Variants in XKR6 observed in about 807,000 individuals in gnomAD.
The protein encoded by XKR6 is XK-related protein 6.
A neutral mutation model predicts 56.7 loss-of-function variants in XKR6; 22 were observed. That is an observed-to-expected ratio of 0.39 (90% CI 0.28 to 0.55). XKR6 has a LOEUF of 0.55. Ranked by LOEUF, XKR6 falls within the 20% of genes least tolerant of loss-of-function variation. XKR6 has a pLI of 0.66. For missense variants in XKR6, 852 were observed against 889.0 expected, an observed-to-expected ratio of 0.96 and a Z score of 0.53; for synonymous variants, 524 against 387.8, an observed-to-expected ratio of 1.35 and a Z score of -4.13.
intron 1 of XKR6, among the ~76,000 whole-genome samples, chr8:10,960,928 T>C (rs894041557): frequency 6.6e-6 from 1 of 151,994 alleles, no homozygotes; most frequent in African/African-American, 2.4e-5. Context: ...GAGCCATGAA[T>C]GAAACAGGGA....
In XKR6 at chr8:11,138,113, T is replaced by A. The variant is rs369295329; in HGVS notation, c.764+62463A>T. ...TACCATGGAATCTGACTACATGCTATAAGCACCTGCTCAAACCTGACTTTA... is the reference window on the plus strand; with the variant it reads ...TACCATGGAATCTGACTACATGCTAAAAGCACCTGCTCAAACCTGACTTTA... On this transcript the variant is annotated intron_variant, in intron 1 of 2. Coordinates refer to ENST00000416569, the MANE Select transcript of XKR6 (RefSeq NM_173683.4). 5.0e-4 allele frequency: 88 copies of A among 175,930 alleles called. 1 individual carries two copies. Among genetic ancestry groups the A allele is most frequent in the African/African-American group, 1.8e-3 (77 of 41,760 alleles). 10.9% of individuals were successfully genotyped at this position (175,930 alleles called of 1,614,324 possible).
chr8:11,058,793 T>G (rs1419801092), intron 1 of XKR6, among the ~76,000 whole-genome samples: 2 of 152,160 alleles, frequency 1.3e-5, no homozygotes, highest in African/African-American at 4.8e-5. Flanking sequence ...CCACGGCACA[T>G]GTATACCTAT....
chr8:11,145,266 G>A (rs13280811), intron 1 of XKR6, among the ~76,000 whole-genome samples: 2 of 115,824 alleles, frequency 1.7e-5, no homozygotes, highest in Non-Finnish European at 1.8e-5. Context: ...TCCAAAAAAT[G>A]CAAAATCCAA....
chr8:10,948,765 C>T (rs895277355), intron 1 of XKR6, among the ~76,000 whole-genome samples: 1 of 152,238 alleles, frequency 6.6e-6, no homozygotes, highest in African/African-American at 2.4e-5. Context: ...ATCAAGCCCT[C>T]CTTGTATCCG....
chr8:11,155,476 A>G (rs1195905831), intron 1 of XKR6, among the ~76,000 whole-genome samples: 1 of 152,232 alleles, frequency 6.6e-6, no homozygotes, highest in African/African-American at 2.4e-5. Flanking sequence ...ACAGTTGTGC[A>G]TTATCTTCAG....
intron 1 of XKR6, among the ~76,000 whole-genome samples, chr8:11,193,213 C>G (rs939068513): frequency 6.6e-6 from 1 of 152,078 alleles, no homozygotes; most frequent in African/African-American, 2.4e-5. Flanking sequence ...AAATCAGTGA[C>G]CAAGATAAAA....
intron 1 of XKR6, among the ~76,000 whole-genome samples, chr8:10,987,902 G>A (rs1797899703): frequency 1.3e-5 from 2 of 152,164 alleles, no homozygotes; most frequent in Admixed American, 1.3e-4. Context: ...AGCACCTGCA[G>A]GGCTCACTCT....
intron 1 of XKR6, among the ~76,000 whole-genome samples, chr8:11,026,144 T>A (rs548442061): frequency 6.6e-6 from 1 of 151,824 alleles, no homozygotes; most frequent in South Asian, 2.1e-4. Context: ...TGGTGTCGCC[T>A]ACTACACACC....
intron 1 of XKR6, among the ~76,000 whole-genome samples, chr8:11,095,139 A>G (rs1798226408): frequency 6.6e-6 from 1 of 152,212 alleles, no homozygotes; most frequent in Non-Finnish European, 1.5e-5. Flanking sequence ...AGAAACAGGG[A>G]TGTATTTTCA....
At chr8:10,964,379 T>A (rs951018577) in intron 1 of XKR6, among the ~76,000 whole-genome samples, 3 of 152,184 alleles carry the variant, frequency 2.0e-5, no homozygotes, top group Admixed American at 2.0e-4. Flanking sequence ...GAGCCTTCTT[T>A]GGGCTGGAGC....
At chr8:11,163,851 T>G (rs912616944) in intron 1 of XKR6, among the ~76,000 whole-genome samples, 1 of 152,112 alleles carries the variant, frequency 6.6e-6, no homozygotes, top group Non-Finnish European at 1.5e-5. Flanking sequence ...AAATGAAGGG[T>G]TGGAACTTAA....
chr8:11,164,528 T>G (rs1005724324), intron 1 of XKR6, among the ~76,000 whole-genome samples: 1 of 152,058 alleles, frequency 6.6e-6, no homozygotes, highest in Admixed American at 6.6e-5. Context: ...ATTCAAGAGG[T>G]TCTTGTTTTA....
intron 1 of XKR6, among the ~76,000 whole-genome samples, chr8:11,120,902 T>A (rs1397611562): frequency 6.6e-6 from 1 of 152,146 alleles, no homozygotes; most frequent in African/African-American, 2.4e-5. Context: ...AACTATCTGA[T>A]CTTTGACAAA....
chr8:11,102,160 G>T (rs925383282), intron 1 of XKR6, among the ~76,000 whole-genome samples: 1 of 152,016 alleles, frequency 6.6e-6, no homozygotes, highest in Non-Finnish European at 1.5e-5. Context: ...CATAAACATC[G>T]TCTTTTTCAC....
intron 1 of XKR6, among the ~76,000 whole-genome samples, chr8:11,083,812 T>A (rs1051569602): frequency 4.0e-4 from 61 of 152,310 alleles, no homozygotes; most frequent in African/African-American, 1.4e-3. Context: ...TTGAATGTAT[T>A]AAGAAAGAGA....
chr8:10,982,477 T>C (rs907892682), intron 1 of XKR6, among the ~76,000 whole-genome samples: 1 of 152,206 alleles, frequency 6.6e-6, no homozygotes, highest in African/African-American at 2.4e-5. Context: ...ACATGAGTGC[T>C]TCTCTACAGT....
chr8:11,097,482 T>A (rs1443469897), intron 1 of XKR6, among the ~76,000 whole-genome samples: 3 of 145,366 alleles, frequency 2.1e-5, no homozygotes, highest in African/African-American at 8.1e-5. Context: ...CTTTTTTTTT[T>A]TAAAAAAAAA....
chr8:11,120,761 G>A (rs1396823742), intron 1 of XKR6, among the ~76,000 whole-genome samples: 2 of 152,140 alleles, frequency 1.3e-5, no homozygotes. Flanking sequence ...AAAGCTGGAG[G>A]TATCACACTA....
intron 1 of XKR6, among the ~76,000 whole-genome samples, chr8:11,024,885 C>G (rs544014981): frequency 1.3e-5 from 2 of 152,352 alleles, no homozygotes; most frequent in African/African-American, 4.8e-5. Flanking sequence ...GTTACACACA[C>G]ATCCCAAGTT....
Sources: gnomAD v4.1 joint callset for allele counts (sites outside exome capture counted in the v4.1 genomes callset) on GRCh38, gnomAD v4.1.1 for gene constraint, MANE v1.5 for transcripts, NCBI Gene and HGNC (gene_info 2026-07-23, HGNC 2026-07-21) for gene names.